Variants in TRIM67 observed in about 807,000 individuals in gnomAD.
TRIM67 encodes the protein tripartite motif containing 67, also known as tripartite motif-containing protein 67.
TRIM67 carries 39 observed loss-of-function variants against 71.0 expected under a neutral mutation model. That is an observed-to-expected ratio of 0.55 (90% confidence interval 0.43 to 0.72). TRIM67 has a LOEUF of 0.72. Ranked by LOEUF, TRIM67 falls within the 30% of genes least tolerant of loss-of-function variation. The pLI is 0.00. For synonymous variants in TRIM67, 481 were observed against 473.9 expected (o/e 1.01, Z -0.19); for missense variants, 973 against 1,079.2 (o/e 0.90, Z 1.38).
chr1:231,204,243 T>A (rs1683634811), intron 6 of TRIM67, among the ~76,000 whole-genome samples: 1 of 152,164 alleles, frequency 6.6e-6, no homozygotes, highest in South Asian at 2.1e-4. Context: ...AGAGAAGGTG[T>A]TTCCTGCACC....
In TRIM67 at chr1:231,215,417, C is replaced by A. The variant is rs370055401; in HGVS notation, c.2329C>A (p.Arg777=). Residue 777 remains arginine (R), a synonymous_variant, in exon 10 of 10, where the codon CGG becomes AGG. Coordinates refer to ENST00000366653, the MANE Select transcript of TRIM67 (RefSeq NM_001004342.5). ...ATTGGAAGTGCCGACTAACCTGGGG[C>A]GGCCAAAGCTGTCAGGCAATTAGCC... ...TGLEVPTNLG[R]PKLSGN is the part of the protein sequence containing the mutation. 6.2e-7 allele frequency: 1 copy of A among 1,611,294 alleles called. No individual in the cohort carries two copies. Among genetic ancestry groups the A allele is most frequent in the Non-Finnish European group, 8.5e-7 (1 of 1,178,364 alleles).
intron 3 of TRIM67, among the ~76,000 whole-genome samples, chr1:231,199,723 G>T (rs1193980670): frequency 6.6e-6 from 1 of 152,168 alleles, no homozygotes; most frequent in East Asian, 1.9e-4. Context: ...AACTGGACCA[G>T]AAAATATTAC....
Position 231,219,689 on chromosome 1 carries a change from C to G in TRIM67, c.*4249C>G, listed in dbSNP as rs1401447470. ...CAGGAACTTCTTAATGGGTTTGTGG[C>G]CCTCAATTGGTTTTTAAAAAAATCT... On this transcript the variant is annotated 3_prime_UTR_variant, in exon 10 of 10. Transcript: ENST00000366653. The G allele has an allele frequency of 8.4e-7, 1 of 1,183,870 alleles. No individual in the cohort carries two copies. The highest frequency in any genetic ancestry group is 1.1e-6 in the Non-Finnish European group (1 of 940,570). 73.3% of individuals were successfully genotyped at this position (1,183,870 alleles called of 1,614,324 possible).
chr1:231,211,836 G>A (rs1372406622), intron 8 of TRIM67, among the ~76,000 whole-genome samples: 1 of 152,216 alleles, frequency 6.6e-6, no homozygotes, highest in Non-Finnish European at 1.5e-5. Context: ...CTACTCAGGA[G>A]GCTGAGGCAG....
In TRIM67 at chr1:231,187,061, A is replaced by G. The variant is rs190009976; in HGVS notation, c.1045-10310A>G. ...GACCAGGAGATCAATCTAAGTCTAA[A>G]AACAGAAAGCTGAAAGCTTCCCAGG... On this transcript the variant is annotated intron_variant, in intron 1 of 9. Coordinates refer to ENST00000366653, the MANE Select transcript of TRIM67 (RefSeq NM_001004342.5). 6.8e-4 allele frequency among the ~76,000 whole-genome samples: 104 copies of G among 152,320 alleles called. 1 individual carries two copies. The highest frequency in any genetic ancestry group is 2.4e-3 in the African/African-American group (100 of 41,568).
chr1:231,167,038 C>T (rs1340001688), intron 1 of TRIM67, among the ~76,000 whole-genome samples: 1 of 152,160 alleles, frequency 6.6e-6, no homozygotes, highest in Non-Finnish European at 1.5e-5. Flanking sequence ...ACTCCTCACT[C>T]AGGGAGAACT....
At chr1:231,174,852 A>C (rs1399332383) in intron 1 of TRIM67, among the ~76,000 whole-genome samples, 1 of 152,144 alleles carries the variant, frequency 6.6e-6, no homozygotes, top group African/African-American at 2.4e-5. Context: ...CCCTTTTTGA[A>C]ACTAATAAAT....
At position 231,163,790 on chromosome 1, in the gene TRIM67, C is replaced by T. The variant is rs1682368317; in HGVS notation, c.821C>T (p.Ala274Val). 12 of 1,486,402 alleles carry T rather than the reference C, an allele frequency of 8.1e-6. No individual in the cohort carries two copies. Among genetic ancestry groups the T allele is most frequent in the Non-Finnish European group, 1.1e-5 (12 of 1,114,854 alleles). The allele number at this position is 1,486,402 out of a possible 1,614,324, so 92.1% of individuals were successfully genotyped here. Reference sequence around the variant, plus strand: ...GGGCCCACTGGCACCGCCCAGGGCGCCCCCAGCGGAGGCGGCGGCTGCAAG... The same window carrying T: ...GGGCCCACTGGCACCGCCCAGGGCGTCCCCAGCGGAGGCGGCGGCTGCAAG... ...ASGPTGTAQG[A>V]PSGGGGCKSP... is the part of the protein sequence containing the mutation. Residue 274 changes from alanine to valine, a missense_variant, in exon 1 of 10, where the codon GCC (alanine) becomes GTC (valine). Ala to Val is a moderately conservative substitution (Grantham distance 64, BLOSUM62 0). This residue lies in a region of TRIM67 where 795 missense variants were observed against 831.3 expected (regional missense o/e 0.96). Transcript: ENST00000366653.
chr1:231,218,866 T>C lies in TRIM67; in HGVS notation c.*3426T>C. 4.1e-6 allele frequency: 4 copies of C among 985,412 alleles called. No homozygotes were observed. The highest frequency in any genetic ancestry group is 4.8e-6 in the Non-Finnish European group (4 of 829,952). The allele number at this position is 985,412 out of a possible 1,614,324, so 61.0% of individuals were successfully genotyped here. A position where few individuals can be genotyped will look rare whatever the true frequency, so the allele number is the denominator to read the frequency against. Reference sequence around the variant, plus strand: ...GGCCCACCCTCCTCTTTGCGCCCTTTCTCTCCCTCTTGGTGCCCCTGCCCT... The same window carrying C: ...GGCCCACCCTCCTCTTTGCGCCCTTCCTCTCCCTCTTGGTGCCCCTGCCCT... On this transcript the variant is annotated 3_prime_UTR_variant, in exon 10 of 10. Transcript: ENST00000366653.
In TRIM67 at chr1:231,184,702, A is replaced by G. The variant is rs551330950; in HGVS notation, c.1045-12669A>G. Reference sequence around the variant, plus strand: ...ATGGAAGGTCAACAGCAGAAAAACAATGGTCCCTGCAGCTGTCGGGGAAGC... The same window carrying G: ...ATGGAAGGTCAACAGCAGAAAAACAGTGGTCCCTGCAGCTGTCGGGGAAGC... On this transcript the variant is annotated intron_variant, in intron 1 of 9. Coordinates refer to ENST00000366653, the MANE Select transcript of TRIM67 (RefSeq NM_001004342.5). The G allele has an allele frequency of 1.3e-5, 5 of 399,280 alleles. 1 individual carries two copies. In the Admixed American group the frequency reaches 2.0e-4, roughly 16 times the overall value. 24.7% of individuals were successfully genotyped at this position (399,280 alleles called of 1,614,324 possible). A position where few individuals can be genotyped will look rare whatever the true frequency, so the allele number is the denominator to read the frequency against.
At position 231,220,674 on chromosome 1, in the gene TRIM67, A is replaced by G. The variant is rs1488071950; in HGVS notation, c.*5234A>G. On this transcript the variant is annotated 3_prime_UTR_variant, in exon 10 of 10. Transcript: ENST00000366653. ...CCGCTGGGACTGCTGGGGCTTCACC[A>G]GCACGAGCTATGCAGGTTGGGGGAG... 6.6e-6 allele frequency: 1 copy of G among 152,252 alleles called. No individual in the cohort carries two copies. The highest frequency in any genetic ancestry group is 1.5e-5 in the Non-Finnish European group (1 of 68,062). The allele number at this position is 152,252 out of a possible 1,614,324, so 9.4% of individuals were successfully genotyped here.
intron 1 of TRIM67, among the ~76,000 whole-genome samples, chr1:231,169,275 G>A (rs1202315552): frequency 6.7e-6 from 1 of 150,360 alleles, no homozygotes; most frequent in East Asian, 2.0e-4. Flanking sequence ...GGCTGGTCTT[G>A]AACCCCAGAC....
Position 231,197,300 on chromosome 1 carries a change from TATG to T in TRIM67, c.1045-66_1045-64del, listed in dbSNP as rs1391617085. ...ATCCCCTCTTATAAACATAAGCTTT[TATG>T]ATGAAGTGCAAATTTTCTGTGCCTT... On this transcript the variant is annotated intron_variant, in intron 1 of 9. Coordinates refer to ENST00000366653, the MANE Select transcript of TRIM67 (RefSeq NM_001004342.5). 3 of 1,344,674 alleles carry T rather than the reference TATG, an allele frequency of 2.2e-6. No individual in the cohort carries two copies. The East Asian group carries it at 6.9e-5, about 31-fold the overall frequency. 83.3% of individuals were successfully genotyped at this position (1,344,674 alleles called of 1,614,324 possible). A position where few individuals can be genotyped will look rare whatever the true frequency, so the allele number is the denominator to read the frequency against.
rs1297236663 is a variant in TRIM67, at chr1:231,216,608, T to A, written c.*1168T>A. 2.0e-6 allele frequency: 2 copies of A among 985,466 alleles called. No individual in the cohort carries two copies. Among genetic ancestry groups the A allele is most frequent in the African/African-American group, 1.7e-5 (1 of 57,262 alleles). The allele number at this position is 985,466 out of a possible 1,614,324, so 61.0% of individuals were successfully genotyped here. On this transcript the variant is annotated 3_prime_UTR_variant, in exon 10 of 10. Coordinates refer to ENST00000366653, the MANE Select transcript of TRIM67 (RefSeq NM_001004342.5). ...CCCCTGTGGCAGGCCGGGACGGCTC[T>A]GCCCTGATGCAGTGGGCGGGATCTC... is the stretch of plus-strand genomic sequence containing the variant.
Position 231,209,500 on chromosome 1 carries a change from G to A in TRIM67, c.2123+250G>A, listed in dbSNP as rs1406728584. 1.3e-5 allele frequency among the ~76,000 whole-genome samples: 2 copies of A among 152,214 alleles called. No individual in the cohort carries two copies. Among genetic ancestry groups the A allele is most frequent in the Non-Finnish European group, 2.9e-5 (2 of 68,036 alleles). On this transcript the variant is annotated intron_variant, in intron 8 of 9. Transcript: ENST00000366653. The surrounding 1 kb of genome is among the most constrained non-coding windows in gnomAD (Gnocchi z 4.1). ...AGATGGGTCTCCCAAGTTACCCAGC[G>A]GGCCACACGGTGGTCCTCTGCTGGG...
intron 3 of TRIM67, 95 bp downstream of exon 3, chr1:231,199,264 C>G: frequency 8.3e-7 from 1 of 1,199,680 alleles, no homozygotes; most frequent in Non-Finnish European, 1.2e-6. Flanking sequence ...GAAATAACAG[C>G]TAAGTGAGTG....
In TRIM67 at chr1:231,213,916, C is replaced by T; in HGVS notation, c.2225C>T (p.Thr742Ile). 1.2e-6 allele frequency: 2 copies of T among 1,613,774 alleles called. No individual in the cohort carries two copies. Among genetic ancestry groups the T allele is most frequent in the South Asian group, 1.1e-5 (1 of 91,072 alleles). Residue 742 changes from threonine (T) to isoleucine (I), a missense_variant, in exon 9 of 10, where the codon ACA (threonine) becomes ATA (isoleucine). Physicochemically the swap from Thr to Ile is moderately conservative, Grantham distance 89. Around this residue, in one of 2 missense-constraint regions of TRIM67, gnomAD observed 178 missense variants for 247.9 expected, o/e 0.72. Transcript: ENST00000366653. ...ATCAACGGGCAGCAGCAGGGCCCCA[C>T]AGCCTTCAGCCACGTGGACGGGGTC... The part of the protein sequence containing the change: ...FFINGQQQGP[T>I]AFSHVDGVFM...
chr1:231,186,125 T>C (rs1571881918), intron 1 of TRIM67: 2 of 1,533,044 alleles, frequency 1.3e-6, no homozygotes, highest in Non-Finnish European at 1.7e-6. Flanking sequence ...AATACATCGG[T>C]GAATGGATGA....
At position 231,199,094 on chromosome 1, in the gene TRIM67, C is replaced by G. The variant is rs1558302568; in HGVS notation, c.1188C>G (p.Ala396=). The stretch of plus-strand genomic sequence containing the variant: ...CCTGCCTCGTTGCTCAGTGTGATGC[C>G]CTTGTGGATGCTTTAACTCGTCAGA... ...YEACLVAQCD[A]LVDALTRQKA... Residue 396 remains alanine (A), a synonymous_variant, in exon 3 of 10, where the codon GCC becomes GCG. Transcript: ENST00000366653. 2 of 1,613,966 alleles carry G rather than the reference C, an allele frequency of 1.2e-6. No individual in the cohort carries two copies. The highest frequency in any genetic ancestry group is 2.2e-5 in the South Asian group (2 of 91,082).
Sources: gnomAD v4.1 joint callset for allele counts (sites outside exome capture counted in the v4.1 genomes callset) on GRCh38, gnomAD v4.1.1 for gene constraint, gnomAD v4.1.1 regional missense constraint, Gnocchi (gnomAD v3.1) non-coding constraint, MANE v1.5 for transcripts, NCBI Gene and HGNC (gene_info 2026-07-23, HGNC 2026-07-21) for gene names.